GUCY1A1: variants seen among roughly 807,000 people sequenced by gnomAD.
GUCY1A1 encodes the protein guanylate cyclase soluble subunit alpha-1.
Under a neutral mutation model 64.5 loss-of-function variants are expected in GUCY1A1, and 48 were observed. The observed-to-expected ratio is 0.74, with a 90% CI of 0.59 to 0.95. The LOEUF (loss-of-function observed/expected upper bound fraction) is 0.95, where lower values mean the gene tolerates loss of function less well. GUCY1A1 is among the 40% of genes least tolerant of loss of function. The pLI is 0.00. For synonymous variants in GUCY1A1, 308 were observed against 303.4 expected, an observed-to-expected ratio of 1.02 and a Z score of -0.16; for missense variants, 804 against 825.3, an observed-to-expected ratio of 0.97 and a Z score of 0.32.
chr4:155,705,406 A>G (rs1560942823), intron 4 of GUCY1A1, among the ~76,000 whole-genome samples: 1 of 151,948 alleles, frequency 6.6e-6, no homozygotes, highest in East Asian at 1.9e-4. Context: ...AAAATTAGCC[A>G]GGCATGGTGG....
rs183578550 is a variant in GUCY1A1 at position 155,681,144 on chromosome 4, T to C, written c.-113+13725T>C. ...TCAGTCTTTCATCATCAAGTATGAC[T>C]CAATAATTATAGTTTTCATAGATGC... On this transcript the variant is annotated intron_variant, in intron 2 of 9. Transcript: ENST00000506455. Among the ~76,000 whole-genome samples, 243 of 152,254 alleles carry C rather than the reference T, an allele frequency of 1.6e-3. 3 individuals carry two copies. The highest frequency in any genetic ancestry group is 1.9e-3 in the Non-Finnish European group (126 of 68,018).
rs1389807091 is a variant in GUCY1A1 at position 155,733,150 on chromosome 4, T to C, written c.*2919T>C. On this transcript the variant is annotated 3_prime_UTR_variant, in exon 10 of 10. Coordinates refer to ENST00000506455, the MANE Select transcript of GUCY1A1 (RefSeq NM_001130682.3). The stretch of plus-strand genomic sequence containing the variant: ...TTGAATGCCTACTATGTGCCAGGAA[T>C]ATTGCTATATTTTTGAAATTTAAGG... Among the ~76,000 whole-genome samples the C allele has an allele frequency of 6.6e-6, 1 of 151,914 alleles. No individual in the cohort carries two copies. Among genetic ancestry groups the C allele is most frequent in the African/African-American group, 2.4e-5 (1 of 41,418 alleles).
In GUCY1A1 at chr4:155,711,095, C is replaced by A; in HGVS notation, c.930C>A (p.Asn310Lys). Reference protein sequence around the residue: ...QFGNGIRRLMNRRDFQGKPNF... With the variant: ...QFGNGIRRLMKRRDFQGKPNF... ...GCAATGGCATCAGAAGGCTGATGAA[C>A]AGGAGAGACTTTCAAGGAAAGCCTA... Residue 310 changes from asparagine (N) to lysine (K), a missense_variant, in exon 6 of 10, where the codon AAC becomes AAA. Coordinates refer to ENST00000506455, the MANE Select transcript of GUCY1A1 (RefSeq NM_001130682.3). 9 of 1,613,494 alleles carry A rather than the reference C, an allele frequency of 5.6e-6. No individual in the cohort carries two copies. Among genetic ancestry groups the A allele is most frequent in the Non-Finnish European group, 7.6e-6 (9 of 1,179,444 alleles).
intron 7 of GUCY1A1, among the ~76,000 whole-genome samples, chr4:155,714,026 G>T (rs1356006327): frequency 6.6e-6 from 1 of 152,268 alleles, no homozygotes; most frequent in East Asian, 1.9e-4. Context: ...GACACATGAG[G>T]ATTATAAAAA....
intron 9 of GUCY1A1, among the ~76,000 whole-genome samples, chr4:155,728,806 T>A (rs1735115924): frequency 1.3e-5 from 2 of 151,880 alleles, no homozygotes; most frequent in African/African-American, 2.4e-5. Context: ...GTACTATTAT[T>A]ATCCCCATTT....
chr4:155,689,356 T>C (rs537900295), intron 2 of GUCY1A1, among the ~76,000 whole-genome samples: 1 of 152,094 alleles, frequency 6.6e-6, no homozygotes, highest in Non-Finnish European at 1.5e-5. Flanking sequence ...TTAGGGAAAA[T>C]TGGTTGAAAA....
At chr4:155,713,014 T>C in intron 6 of GUCY1A1, 84 bp from the exon 7 acceptor site, 1 of 1,154,826 alleles carries the variant, frequency 8.7e-7, no homozygotes, top group Non-Finnish European at 1.2e-6. Flanking sequence ...AAGGGTTTAT[T>C]ACTGTATCTA....
At chr4:155,720,293 A>G (rs1733789972) in intron 8 of GUCY1A1, among the ~76,000 whole-genome samples, 1 of 152,084 alleles carries the variant, frequency 6.6e-6, no homozygotes, top group Non-Finnish European at 1.5e-5. Flanking sequence ...CTCAATCTAA[A>G]TATGCTGAAG....
chr4:155,698,669 C>G (rs1279272994), intron 3 of GUCY1A1, among the ~76,000 whole-genome samples: 3 of 152,144 alleles, frequency 2.0e-5, no homozygotes, highest in Non-Finnish European at 4.4e-5. Context: ...GAGCGAGACT[C>G]TGTCTCAACA....
intron 2 of GUCY1A1, among the ~76,000 whole-genome samples, chr4:155,669,563 T>C (rs982315734): frequency 2.0e-5 from 3 of 152,104 alleles, no homozygotes; most frequent in Admixed American, 6.6e-5. Flanking sequence ...ATAACTCTTA[T>C]AATTATGTCT....
chr4:155,694,806 A>C (rs1175160428), intron 2 of GUCY1A1, among the ~76,000 whole-genome samples: 1 of 152,248 alleles, frequency 6.6e-6, no homozygotes, highest in East Asian at 1.9e-4. Flanking sequence ...TTAAATCAGA[A>C]GAGAAGTTAT....
chr4:155,677,273 T>C (rs914744574), intron 2 of GUCY1A1, among the ~76,000 whole-genome samples: 25 of 152,212 alleles, frequency 1.6e-4, no homozygotes, highest in Non-Finnish European at 3.4e-4. Flanking sequence ...TGCTTGGGAA[T>C]GGATCCTTTA....
chr4:155,705,370 G>T (rs759880548), intron 4 of GUCY1A1, among the ~76,000 whole-genome samples: 3 of 151,844 alleles, frequency 2.0e-5, no homozygotes, highest in African/African-American at 7.3e-5. Flanking sequence ...CCAACATGGC[G>T]AAACCCCGTC....
At position 155,697,088 on chromosome 4, in the gene GUCY1A1, T is replaced by C; in HGVS notation, c.221T>C (p.Leu74Ser). The stretch of plus-strand genomic sequence containing the variant: ...CGGAGCCGAGTCTATCTTCACACTT[T>C]GGCAGAGAGTATTTGCAAACTGATT... ...TSRSRVYLHT[L>S]AESICKLIFP... Residue 74 changes from leucine to serine, a missense_variant, in exon 3 of 10, where the codon TTG becomes TCG. Physicochemically the swap from Leu to Ser is moderately radical, Grantham distance 145 (BLOSUM62 -2). Coordinates refer to ENST00000506455, the MANE Select transcript of GUCY1A1 (RefSeq NM_001130682.3). 9.9e-6 allele frequency: 16 copies of C among 1,613,584 alleles called. No individual in the cohort carries two copies. The highest frequency in any genetic ancestry group is 1.4e-5 in the Non-Finnish European group (16 of 1,179,508).
At chr4:155,717,952 G>A (rs1297702409) in intron 8 of GUCY1A1, among the ~76,000 whole-genome samples, 1 of 152,182 alleles carries the variant, frequency 6.6e-6, no homozygotes, top group Admixed American at 6.6e-5. Context: ...TAGTTTTCCA[G>A]CCCCTGGAGG....
chr4:155,692,801 G>T (rs1205334288), intron 2 of GUCY1A1, among the ~76,000 whole-genome samples: 2 of 152,190 alleles, frequency 1.3e-5, no homozygotes, highest in African/African-American at 4.8e-5. Context: ...GCTCACGTCT[G>T]TAATCCCAGT....
At chr4:155,695,508 G>A (rs532363435) in intron 2 of GUCY1A1, among the ~76,000 whole-genome samples, 1 of 152,248 alleles carries the variant, frequency 6.6e-6, no homozygotes, top group South Asian at 2.1e-4. Context: ...AATCTAAGTT[G>A]ATTAACAAAG....
intron 7 of GUCY1A1, among the ~76,000 whole-genome samples, chr4:155,716,629 C>A (rs943483284): frequency 3.9e-5 from 6 of 151,972 alleles, no homozygotes; most frequent in Admixed American, 2.0e-4. Context: ...GCTATGAGGA[C>A]CCCAAGGGTC....
At chr4:155,705,339 A>C (rs183615480) in intron 4 of GUCY1A1, among the ~76,000 whole-genome samples, 25 of 152,228 alleles carry the variant, frequency 1.6e-4, no homozygotes, top group Non-Finnish European at 2.5e-4. Flanking sequence ...ACCTGCGGTC[A>C]GGAGTTCGAG....
Sources: gnomAD v4.1 joint callset for allele counts (sites outside exome capture counted in the v4.1 genomes callset) on GRCh38, gnomAD v4.1.1 for gene constraint, MANE v1.5 for transcripts, NCBI Gene and HGNC (gene_info 2026-07-23, HGNC 2026-07-21) for gene names.